ZHX3: variants seen among roughly 807,000 people sequenced by gnomAD.
ZHX3 encodes zinc fingers and homeoboxes protein 3.
In ZHX3, 20 loss-of-function variants were observed where a neutral mutation model predicts 64.5. The ratio of observed to expected loss-of-function variants is 0.31; its 90% CI spans 0.22 to 0.45. The LOEUF (loss-of-function observed/expected upper bound fraction) is 0.45, where lower values mean the gene tolerates loss of function less well. Ranked by LOEUF, ZHX3 falls within the 20% of genes least tolerant of loss-of-function variation. The pLI, the probability that ZHX3 is intolerant of heterozygous loss-of-function variation, is 1.00. For synonymous variants in ZHX3, 423 were observed against 461.6 expected (o/e 0.92, Z 1.07); for missense variants, 1,041 against 1,195.8 (o/e 0.87, Z 1.91).
intron 1 of ZHX3, among the ~76,000 whole-genome samples, chr20:41,283,682 G>C (rs2043801080): frequency 6.6e-6 from 1 of 152,076 alleles, no homozygotes; most frequent in Non-Finnish European, 1.5e-5. Flanking sequence ...ATGTGAACCT[G>C]GGAGGCGGAG....
rs777639879 is a variant in ZHX3 at position 41,195,134 on chromosome 20, T to A, written c.2860+6923A>T. 3.9e-5 allele frequency among the ~76,000 whole-genome samples: 6 copies of A among 152,200 alleles called. No homozygotes were observed. Among genetic ancestry groups the A allele is most frequent in the Non-Finnish European group, 8.8e-5 (6 of 68,034 alleles). On this transcript the variant is annotated intron_variant, in intron 3 of 3. Transcript: ENST00000683867. The surrounding 1 kb of genome is among the most constrained non-coding windows in gnomAD (Gnocchi z 4.2). ...TTTGAGATCTTAAAAAAAGTTTTTT[T>A]AAGACATGGGGTCTTACGCTGTCAC... is the stretch of plus-strand genomic sequence containing the variant.
At chr20:41,257,470 T>A (rs769793952) in intron 2 of ZHX3, among the ~76,000 whole-genome samples, 1 of 152,166 alleles carries the variant, frequency 6.6e-6, no homozygotes, top group Non-Finnish European at 1.5e-5. Context: ...TACCCACTTA[T>A]AGAAGGGGAT....
chr20:41,211,554 C>T (rs1383448777), intron 2 of ZHX3, among the ~76,000 whole-genome samples: 1 of 152,090 alleles, frequency 6.6e-6, no homozygotes, highest in Admixed American at 6.6e-5. Context: ...TATACCTTCT[C>T]ATTTAGTCCA....
chr20:41,266,348 C>T (rs1338392592), intron 2 of ZHX3, among the ~76,000 whole-genome samples: 2 of 152,046 alleles, frequency 1.3e-5, no homozygotes, highest in Non-Finnish European at 2.9e-5. Context: ...TCAGTGATTC[C>T]AGTTCGCCTT....
At chr20:41,254,267 T>C (rs897461247) in intron 2 of ZHX3, among the ~76,000 whole-genome samples, 2 of 152,192 alleles carry the variant, frequency 1.3e-5, no homozygotes, top group Non-Finnish European at 2.9e-5. Context: ...CATCAACACG[T>C]ACTAGGCACA....
chr20:41,267,284 CT>C (rs2042910700), intron 2 of ZHX3, among the ~76,000 whole-genome samples: 1 of 152,078 alleles, frequency 6.6e-6, no homozygotes, highest in African/African-American at 2.4e-5. Context: ...GATCAAAGAG[CT>C]ATGTTTGACA....
chr20:41,235,865 G>C (rs1362035884), intron 2 of ZHX3, among the ~76,000 whole-genome samples: 1 of 152,124 alleles, frequency 6.6e-6, no homozygotes, highest in Non-Finnish European at 1.5e-5. Flanking sequence ...TGTATATCTA[G>C]AAAACCCCAT....
intron 1 of ZHX3, among the ~76,000 whole-genome samples, chr20:41,313,416 G>A (rs1449703566): frequency 1.3e-5 from 2 of 151,978 alleles, no homozygotes; most frequent in African/African-American, 2.4e-5. Context: ...GAGAGAATAT[G>A]ATGAGAGAAG....
chr20:41,277,092 T>A (rs954292234), intron 1 of ZHX3, among the ~76,000 whole-genome samples: 1 of 152,198 alleles, frequency 6.6e-6, no homozygotes, highest in Non-Finnish European at 1.5e-5. Flanking sequence ...CAAGACAGCA[T>A]GAGGAAGGAA....
chr20:41,283,779 T>G (rs758488925), intron 1 of ZHX3, among the ~76,000 whole-genome samples: 1 of 151,816 alleles, frequency 6.6e-6, no homozygotes, highest in Non-Finnish European at 1.5e-5. Context: ...ATCACTTTTA[T>G]CTATGGTCAC....
intron 2 of ZHX3, among the ~76,000 whole-genome samples, chr20:41,253,425 A>G (rs1411009091): frequency 6.6e-6 from 1 of 151,942 alleles, no homozygotes; most frequent in Non-Finnish European, 1.5e-5. Context: ...TAATATTCCT[A>G]CCTTGGTTTC....
In ZHX3 at chr20:41,185,600, T is replaced by A; in HGVS notation, c.2861-399A>T. The A allele has an allele frequency of 3.3e-6, 1 of 302,226 alleles. No individual in the cohort carries two copies. Among genetic ancestry groups the A allele is most frequent in the Admixed American group, 4.6e-5 (1 of 21,872 alleles). The allele number at this position is 302,226 out of a possible 1,614,324, so 18.7% of individuals were successfully genotyped here. ...CTCTCCAGAACATACTGTTCCAATA[T>A]AATAGCAGCTGGGTCTAGTTCTGAT... is the stretch of plus-strand genomic sequence containing the variant. On this transcript the variant is annotated intron_variant, in intron 3 of 3. Coordinates refer to ENST00000683867, the MANE Select transcript of ZHX3 (RefSeq NM_001384317.1). The surrounding 1 kb of genome is among the most constrained non-coding windows in gnomAD (Gnocchi z 5.0).
In ZHX3 at chr20:41,184,991, T is replaced by G; in HGVS notation, c.*200A>C. ...AGGAAGAACTGATGAGAACCCCATC[T>G]TGCTTGCTGCTTGCTTGGTGGTGGG... On this transcript the variant is annotated 3_prime_UTR_variant, in exon 4 of 4. Coordinates refer to ENST00000683867, the MANE Select transcript of ZHX3 (RefSeq NM_001384317.1). The G allele has an allele frequency of 6.4e-7, 1 of 1,550,710 alleles. No homozygotes were observed. Among genetic ancestry groups the G allele is most frequent in the Non-Finnish European group, 8.7e-7 (1 of 1,147,004 alleles).
At chr20:41,193,610 TTG>T (rs1185938745) in intron 3 of ZHX3, among the ~76,000 whole-genome samples, 3 of 152,138 alleles carry the variant, frequency 2.0e-5, no homozygotes, top group African/African-American at 7.2e-5. Flanking sequence ...ATGATTTTTT[TTG>T]TTTTTATATC....
At chr20:41,233,475 A>C (rs533410978) in intron 2 of ZHX3, among the ~76,000 whole-genome samples, 14 of 152,230 alleles carry the variant, frequency 9.2e-5, no homozygotes, top group Non-Finnish European at 2.1e-4. Context: ...CAGTATCTTT[A>C]GCCATCTTGT....
At chr20:41,189,391 T>C (rs950457334) in intron 3 of ZHX3, among the ~76,000 whole-genome samples, 1 of 152,230 alleles carries the variant, frequency 6.6e-6, no homozygotes, top group African/African-American at 2.4e-5. Context: ...CATTGGTATT[T>C]TGATAGCAAT....
intron 2 of ZHX3, among the ~76,000 whole-genome samples, chr20:41,214,255 G>A (rs574564494): frequency 2.4e-4 from 36 of 152,250 alleles, no homozygotes; most frequent in African/African-American, 8.2e-4. Context: ...GTTTCATATT[G>A]TTGGAAGTGC....
At chr20:41,282,188 C>T (rs756409250) in intron 1 of ZHX3, among the ~76,000 whole-genome samples, 1 of 152,056 alleles carries the variant, frequency 6.6e-6, no homozygotes, top group Non-Finnish European at 1.5e-5. Flanking sequence ...TGCTTGAGCT[C>T]GAGACTAATT....
At chr20:41,300,226 G>A (rs2044751445) in intron 1 of ZHX3, 1 of 152,158 alleles carries the variant, frequency 6.6e-6, no homozygotes, top group Non-Finnish European at 1.5e-5. Context: ...TAGGAGTGGA[G>A]ATCCAAATTA....
Sources: allele counts gnomAD v4.1 joint callset (sites outside exome capture counted in the v4.1 genomes callset), GRCh38; gene constraint gnomAD v4.1.1; non-coding constraint Gnocchi (gnomAD v3.1); transcripts MANE v1.5; gene names NCBI Gene and HGNC (gene_info 2026-07-23, HGNC 2026-07-21).